DACH1: variants seen among roughly 807,000 people sequenced by gnomAD.
DACH1 encodes the protein dachshund family transcription factor 1.
In DACH1, 12 loss-of-function variants were observed where a neutral mutation model predicts 54.2. The ratio of observed to expected loss-of-function variants is 0.22; its 90% CI spans 0.14 to 0.36. The LOEUF (loss-of-function observed/expected upper bound fraction) is 0.36, where lower values mean the gene tolerates loss of function less well. Ranked by LOEUF, DACH1 falls within the 10% of genes least tolerant of loss-of-function variation. The pLI is 1.00. For missense variants in DACH1, 805 were observed against 929.8 expected, an observed-to-expected ratio of 0.87 and a Z score of 1.75; for synonymous variants, 386 against 366.2, an observed-to-expected ratio of 1.05 and a Z score of -0.62.
At chr13:71,552,178 G>A (rs932877887) in intron 6 of DACH1, among the ~76,000 whole-genome samples, 2 of 152,140 alleles carry the variant, frequency 1.3e-5, no homozygotes, top group African/African-American at 2.4e-5. Context: ...AGGAAAGGGA[G>A]AGACAGAGAA....
chr13:71,510,795 C>T (rs542746371), intron 6 of DACH1, among the ~76,000 whole-genome samples: 2 of 151,918 alleles, frequency 1.3e-5, no homozygotes, highest in East Asian at 3.9e-4. Flanking sequence ...TTGCAACGTT[C>T]AGTTTGTTTC....
intron 2 of DACH1, among the ~76,000 whole-genome samples, chr13:71,632,722 C>A (rs375022912): frequency 6.6e-6 from 1 of 152,072 alleles, no homozygotes; most frequent in East Asian, 1.9e-4. Flanking sequence ...TTCACCCCAA[C>A]GCAACAAGAC....
At chr13:71,847,510 T>G (rs1210166733) in intron 1 of DACH1, among the ~76,000 whole-genome samples, 1 of 152,214 alleles carries the variant, frequency 6.6e-6, no homozygotes, top group African/African-American at 2.4e-5. Flanking sequence ...TCATTCAAGT[T>G]ATAAAGTCTA....
At chr13:71,654,458 GTAAAATAAAATAAAA>G (rs58963611) in intron 2 of DACH1, among the ~76,000 whole-genome samples, 4,397 of 71,154 alleles carry the variant, frequency 0.062, 222 homozygotes, top group Admixed American at 0.12. Flanking sequence ...ATAAAATAAA[GTAAAATAAAATAAAA>G]TAAAATAAAA....
At chr13:71,796,913 T>G (rs373891127) in intron 1 of DACH1, among the ~76,000 whole-genome samples, 13 of 152,212 alleles carry the variant, frequency 8.5e-5, no homozygotes, top group African/African-American at 3.1e-4. Flanking sequence ...CTATCTCTAG[T>G]GAAAGAAATA....
chr13:71,644,844 G>A (rs59777643), intron 2 of DACH1, among the ~76,000 whole-genome samples: 1 of 152,334 alleles, frequency 6.6e-6, no homozygotes, highest in East Asian at 1.9e-4. Flanking sequence ...ACTCTGCACA[G>A]CTGGAAGGCA....
At chr13:71,505,098 T>A (rs1244953796) in intron 6 of DACH1, among the ~76,000 whole-genome samples, 1 of 152,174 alleles carries the variant, frequency 6.6e-6, no homozygotes, top group Non-Finnish European at 1.5e-5. Context: ...TCCTTCTTTC[T>A]TTCTTTCTGG....
At chr13:71,711,950 TTA>T (rs1287252422) in intron 1 of DACH1, among the ~76,000 whole-genome samples, 2 of 152,088 alleles carry the variant, frequency 1.3e-5, no homozygotes, top group African/African-American at 4.8e-5. Flanking sequence ...GGAAAATAAA[TTA>T]TGTTAACCAA....
rs74929142 is a variant in DACH1 at position 71,548,938 on chromosome 13, G to A, written c.1570+8086C>T. Among the ~76,000 whole-genome samples the A allele has an allele frequency of 2.3e-3, 344 of 151,864 alleles. 2 individuals carry two copies. The highest frequency in any genetic ancestry group is 7.9e-3 in the African/African-American group (328 of 41,420). On this transcript the variant is annotated intron_variant, in intron 6 of 10. Transcript: ENST00000613252. ...TCACCAAAAAGAAAAAAGAAAGAAA[G>A]AAAAAGAAAAAGTTTCAATTTGGGG...
chr13:71,793,494 A>G (rs1336175272), intron 1 of DACH1, among the ~76,000 whole-genome samples: 1 of 152,098 alleles, frequency 6.6e-6, no homozygotes, highest in East Asian at 1.9e-4. Flanking sequence ...GTGAACATCT[A>G]TTTTACTTAC....
At chr13:71,686,631 C>G (rs1881179914) in intron 1 of DACH1, among the ~76,000 whole-genome samples, 1 of 152,176 alleles carries the variant, frequency 6.6e-6, no homozygotes, top group South Asian at 2.1e-4. Flanking sequence ...ATCCAATCTT[C>G]TTTGTGGACA....
At chr13:71,460,363 G>A (rs1056406350) in intron 10 of DACH1, among the ~76,000 whole-genome samples, 6 of 151,720 alleles carry the variant, frequency 4.0e-5, no homozygotes, top group Non-Finnish European at 7.4e-5. Flanking sequence ...TTTGGAATTA[G>A]TCAGTTGAGA....
chr13:71,486,399 T>A (rs1444259022), intron 7 of DACH1, among the ~76,000 whole-genome samples: 2 of 152,108 alleles, frequency 1.3e-5, no homozygotes, highest in African/African-American at 4.8e-5. Flanking sequence ...ATATTAGAAT[T>A]TGGACAGCAA....
At chr13:71,598,027 C>A (rs1432043691) in intron 3 of DACH1, among the ~76,000 whole-genome samples, 4 of 150,962 alleles carry the variant, frequency 2.6e-5, no homozygotes, top group Non-Finnish European at 5.9e-5. Flanking sequence ...TTACAGTGAG[C>A]CCAGAGGGCT....
intron 4 of DACH1, among the ~76,000 whole-genome samples, chr13:71,563,717 G>A (rs1306520840): frequency 6.6e-6 from 1 of 151,496 alleles, no homozygotes; most frequent in Non-Finnish European, 1.5e-5. Flanking sequence ...GCATAATAAA[G>A]CTCAGTAAAT....
chr13:71,638,286 C>A (rs1435613108), intron 2 of DACH1, among the ~76,000 whole-genome samples: 1 of 152,166 alleles, frequency 6.6e-6, no homozygotes, highest in Non-Finnish European at 1.5e-5. Flanking sequence ...ACAGAAATTT[C>A]GTCGACAGTG....
chr13:71,623,648 T>C (rs1429116483), intron 3 of DACH1, among the ~76,000 whole-genome samples: 1 of 151,840 alleles, frequency 6.6e-6, no homozygotes, highest in Non-Finnish European at 1.5e-5. Context: ...TTTTGCCCTT[T>C]ATCTTTTATT....
intron 1 of DACH1, among the ~76,000 whole-genome samples, chr13:71,716,218 T>A (rs1488911912): frequency 1.3e-5 from 2 of 152,002 alleles, no homozygotes; most frequent in Non-Finnish European, 2.9e-5. Flanking sequence ...TCCAACTCAC[T>A]CTCTTCTTCA....
chr13:71,733,000 C>G (rs1273865106), intron 1 of DACH1, among the ~76,000 whole-genome samples: 1 of 152,080 alleles, frequency 6.6e-6, no homozygotes, highest in Non-Finnish European at 1.5e-5. Context: ...ATCATTTTCT[C>G]TGTCTGGAAT....
Sources: allele counts gnomAD v4.1 joint callset (sites outside exome capture counted in the v4.1 genomes callset), GRCh38; gene constraint gnomAD v4.1.1; transcripts MANE v1.5; gene names NCBI Gene and HGNC (gene_info 2026-07-23, HGNC 2026-07-21).